ARMH1: variants seen among roughly 807,000 people sequenced by gnomAD.
ARMH1 encodes armadillo-like helical domain containing protein 1.
ARMH1 carries 34 observed loss-of-function variants against 50.2 expected under a neutral mutation model. The ratio of observed to expected loss-of-function variants is 0.68; its 90% confidence interval spans 0.51 to 0.90. The LOEUF is 0.90. ARMH1 is among the 40% of genes least tolerant of loss of function. ARMH1 has a pLI of 0.00. For missense variants in ARMH1, 538 were observed against 553.9 expected (o/e 0.97, Z 0.29); for synonymous variants, 221 against 224.2 (o/e 0.99, Z 0.13).
Position 44,689,835 on chromosome 1 carries a change from A to G in ARMH1, c.138A>G (p.Glu46=). The part of the protein sequence containing the change: ...IETNQGKTAP[E]LEQEFSQGAS... ...CCAACCAAGGCAAGACTGCCCCTGA[A>G]CTGGAGCAGGAGTTTTCCCAGGGAG... The change falls in exon 2 of 12, where the codon GAA becomes GAG. Residue 46 remains glutamate, a synonymous_variant. Transcript: ENST00000535358. The G allele has an allele frequency of 1.3e-6, 2 of 1,551,526 alleles. No individual in the cohort carries two copies. Among genetic ancestry groups the G allele is most frequent in the Non-Finnish European group, 1.7e-6 (2 of 1,146,984 alleles).
rs1246334262 is a variant in ARMH1, at chr1:44,724,796, A to G, written c.1085A>G (p.His362Arg). Reference sequence around the variant, plus strand: ...CAGATGTTCCCCTTGGTGGCGGAGCACGTGCGCAAGTGCATGGGGGAGGAA... The same window carrying G: ...CAGATGTTCCCCTTGGTGGCGGAGCGCGTGCGCAAGTGCATGGGGGAGGAA... ...FVQMFPLVAE[H>R]VRKCMGEELY... is the part of the protein sequence containing the mutation. Residue 362 changes from histidine (H) to arginine (R), a missense_variant, in exon 10 of 12, where the codon CAC becomes CGC. By Grantham distance (29) the His-to-Arg change is conservative (BLOSUM62 0). Coordinates refer to ENST00000535358, the MANE Select transcript of ARMH1 (RefSeq NM_001145636.2). This position sits in a 1 kb window ranked among gnomAD's most constrained non-coding sequence, Gnocchi z 6.4. The G allele has an allele frequency of 1.3e-6, 2 of 1,543,830 alleles. No homozygotes were observed. The highest frequency in any genetic ancestry group is 2.4e-5 in the East Asian group (1 of 40,892).
intron 2 of ARMH1, among the ~76,000 whole-genome samples, chr1:44,693,432 T>A (rs934633497): frequency 6.6e-6 from 1 of 152,166 alleles, no homozygotes. Flanking sequence ...GTCTTATTCA[T>A]CTCATCATGG....
rs1453661590 is a variant in ARMH1, at chr1:44,724,791, G to C, written c.1080G>C (p.Ala360=). ...TCGTGCAGATGTTCCCCTTGGTGGC[G>C]GAGCACGTGCGCAAGTGCATGGGGG... ...ECFVQMFPLV[A]EHVRKCMGEE... Residue 360 remains alanine (A), a synonymous_variant, in exon 10 of 12, where the codon GCG becomes GCC. Transcript: ENST00000535358. This position sits in a 1 kb window ranked among gnomAD's most constrained non-coding sequence, Gnocchi z 6.4. The C allele has an allele frequency of 4.5e-6, 7 of 1,543,820 alleles. No individual in the cohort carries two copies. Among genetic ancestry groups the C allele is most frequent in the Non-Finnish European group, 6.1e-6 (7 of 1,146,730 alleles).
intron 6 of ARMH1, among the ~76,000 whole-genome samples, chr1:44,713,097 CTTTTTTTTTTTT>C (rs538780455): frequency 1.7e-5 from 2 of 118,858 alleles, no homozygotes; most frequent in Non-Finnish European, 3.5e-5. Context: ...TGCGCCCGGC[CTTTTTTTTTTTT>C]TTTTTTTTTG....
At chr1:44,701,535 T>C (rs958891549) in intron 5 of ARMH1, among the ~76,000 whole-genome samples, 1 of 151,798 alleles carries the variant, frequency 6.6e-6, no homozygotes, top group African/African-American at 2.4e-5. Flanking sequence ...TCTCAGACAG[T>C]ACCCTCGGAT....
chr1:44,702,156 G>A (rs1222603823), intron 5 of ARMH1, among the ~76,000 whole-genome samples: 13 of 152,060 alleles, frequency 8.5e-5, no homozygotes, highest in Admixed American at 7.9e-4. Flanking sequence ...TATTTCCACA[G>A]TTCCCAGTTA....
chr1:44,713,022 T>G (rs1178052525), intron 6 of ARMH1, among the ~76,000 whole-genome samples: 1 of 142,808 alleles, frequency 7.0e-6, no homozygotes, highest in East Asian at 2.0e-4. Flanking sequence ...TGCTTTGCAC[T>G]TTTTTTTTTT....
intron 6 of ARMH1, among the ~76,000 whole-genome samples, chr1:44,707,115 T>A (rs933881217): frequency 4.7e-5 from 6 of 128,360 alleles, no homozygotes; most frequent in Non-Finnish European, 6.4e-5. Context: ...CCCCCCTCCA[T>A]CAGAGCACTG....
chr1:44,674,772 C>G lies in ARMH1; in HGVS notation c.-124C>G, dbSNP rs1337574046. On this transcript the variant is annotated 5_prime_UTR_variant, in exon 1 of 12. Transcript: ENST00000535358. ...CTGGGAATGGGCAGGGTCACTCGTC[C>G]GAACAGAGTCCTATCCTACGCGGCG... 4.8e-6 allele frequency: 1 copy of G among 210,444 alleles called. No homozygotes were observed. The highest frequency in any genetic ancestry group is 2.3e-5 in the African/African-American group (1 of 43,592). 13.0% of individuals were successfully genotyped at this position (210,444 alleles called of 1,614,324 possible).
At chr1:44,699,742 G>A (rs12751934) in intron 4 of ARMH1, among the ~76,000 whole-genome samples, 19,673 of 151,868 alleles carry the variant, frequency 0.13, 2,056 homozygotes, top group East Asian at 0.53. Flanking sequence ...ATGAGTCACC[G>A]CACCCTCAAT....
intron 4 of ARMH1, 124 bp from the exon 5 acceptor site, chr1:44,700,799 A>G: frequency 1.3e-6 from 1 of 759,880 alleles, no homozygotes; most frequent in Non-Finnish European, 2.1e-6. Context: ...ACCAGGCCTC[A>G]ATTTTGCTTT....
chr1:44,717,131 G>C (rs1025526897), intron 6 of ARMH1, among the ~76,000 whole-genome samples: 1 of 152,090 alleles, frequency 6.6e-6, no homozygotes, highest in Non-Finnish European at 1.5e-5. Flanking sequence ...TTACAGGTGT[G>C]AGCCACCGCG....
chr1:44,725,025 T>G (rs777025887), intron 10 of ARMH1, 111 bp from the exon 11 acceptor site: 112 of 1,522,150 alleles, frequency 7.4e-5, no homozygotes, highest in Non-Finnish European at 9.5e-5. Context: ...TCCTGCCCTT[T>G]CGGTCAGGCT....
chr1:44,692,194 G>T (rs925662161), intron 2 of ARMH1, among the ~76,000 whole-genome samples: 2 of 152,152 alleles, frequency 1.3e-5, no homozygotes, highest in African/African-American at 4.8e-5. Context: ...GTTTGAAGCT[G>T]CAGTGAGCTA....
At chr1:44,712,275 A>C (rs1646645392) in intron 6 of ARMH1, among the ~76,000 whole-genome samples, 3 of 152,318 alleles carry the variant, frequency 2.0e-5, no homozygotes, top group Admixed American at 2.0e-4. Flanking sequence ...CCTGGGCAAC[A>C]AGGTGAAATC....
chr1:44,709,026 G>A (rs1017831530), intron 6 of ARMH1, among the ~76,000 whole-genome samples: 3 of 152,090 alleles, frequency 2.0e-5, no homozygotes, highest in Middle Eastern at 3.2e-3. Context: ...TACCAAAAAG[G>A]TAAAATTATA....
intron 5 of ARMH1, among the ~76,000 whole-genome samples, chr1:44,703,389 A>G (rs1293153334): frequency 5.3e-5 from 8 of 151,998 alleles, no homozygotes; most frequent in South Asian, 2.1e-4. Context: ...GCTGTTTGGA[A>G]GTCTGCGTTT....
In ARMH1 at chr1:44,725,511, G is replaced by C. The variant is rs547788840; in HGVS notation, c.*108G>C. ...AGCCACTCCACTTGGCTCCAGGGGG[G>C]AGACGGGGATTAGGCATCCCAGAGG... On this transcript the variant is annotated 3_prime_UTR_variant, in exon 12 of 12. Coordinates refer to ENST00000535358, the MANE Select transcript of ARMH1 (RefSeq NM_001145636.2). 19 of 1,133,792 alleles carry C rather than the reference G, an allele frequency of 1.7e-5. No individual in the cohort carries two copies. In the Admixed American group the frequency reaches 4.1e-4, roughly 25 times the overall value. The allele number at this position is 1,133,792 out of a possible 1,614,324, so 70.2% of individuals were successfully genotyped here. A position where few individuals can be genotyped will look rare whatever the true frequency, so the allele number is the denominator to read the frequency against.
At position 44,701,128 on chromosome 1, in the gene ARMH1, A is replaced by T. The variant is rs1236106314; in HGVS notation, c.639+9A>T. 16 of 1,541,804 alleles carry T rather than the reference A, an allele frequency of 1.0e-5. No individual in the cohort carries two copies. Among genetic ancestry groups the T allele is most frequent in the Non-Finnish European group, 1.2e-5 (14 of 1,142,248 alleles). On this transcript the variant is annotated intron_variant, in intron 5 of 11. Coordinates refer to ENST00000535358, the MANE Select transcript of ARMH1 (RefSeq NM_001145636.2). Reference sequence around the variant, plus strand: ...CTCTCAGGACTGCCCAGGTGAGCCAAGGCTGCATGCTCCTGTGGTTCTGAT... The same window carrying T: ...CTCTCAGGACTGCCCAGGTGAGCCATGGCTGCATGCTCCTGTGGTTCTGAT...
Sources: allele counts gnomAD v4.1 joint callset (sites outside exome capture counted in the v4.1 genomes callset), GRCh38; gene constraint gnomAD v4.1.1; non-coding constraint Gnocchi (gnomAD v3.1); transcripts MANE v1.5; gene names NCBI Gene and HGNC (gene_info 2026-07-23, HGNC 2026-07-21).